The following GPCPD1 variants were observed in gnomAD, a reference collection of about 807,000 sequenced individuals.
GPCPD1 encodes the protein glycerophosphocholine phosphodiesterase GPCPD1.
A neutral mutation model predicts 89.2 loss-of-function variants in GPCPD1; 29 were observed. The ratio of observed to expected loss-of-function variants is 0.33; its 90% CI spans 0.24 to 0.44. GPCPD1 has a LOEUF of 0.44. Ranked by LOEUF, GPCPD1 falls within the 20% of genes least tolerant of loss-of-function variation. GPCPD1 has a pLI of 1.00. For missense variants in GPCPD1, 594 were observed against 808.9 expected, an observed-to-expected ratio of 0.73 and a Z score of 3.22; for synonymous variants, 258 against 266.3, an observed-to-expected ratio of 0.97 and a Z score of 0.30.
chr20:5,566,644 C>T lies in GPCPD1; in HGVS notation c.1267+89G>A, dbSNP rs1986406874. 8 of 778,228 alleles carry T rather than the reference C, an allele frequency of 1.0e-5. No homozygotes were observed. In the South Asian group the frequency reaches 1.2e-4, roughly 11 times the overall value. 48.2% of individuals were successfully genotyped at this position (778,228 alleles called of 1,614,324 possible). ...CCAGTATTATACTCATAAAAATGAC[C>T]AAGTATCAAGTATGTGCTAAAATCG... On this transcript the variant is annotated intron_variant, in intron 14 of 19. Transcript: ENST00000379019.
chr20:5,575,374 C>T (rs1367672472), intron 10 of GPCPD1, 39 bp downstream of exon 10: 4 of 1,487,746 alleles, frequency 2.7e-6, no homozygotes, highest in East Asian at 2.3e-5. Flanking sequence ...CGAACATAAG[C>T]TACACCAAAT....
intron 2 of GPCPD1, among the ~76,000 whole-genome samples, chr20:5,603,852 T>C (rs1207899031): frequency 6.6e-6 from 1 of 151,398 alleles, no homozygotes. Context: ...GTTCAAGCAA[T>C]TCTCCTGCCT....
intron 4 of GPCPD1, among the ~76,000 whole-genome samples, chr20:5,587,131 A>C (rs1978981242): frequency 6.6e-6 from 1 of 152,226 alleles, no homozygotes; most frequent in Non-Finnish European, 1.5e-5. Context: ...ATTTTCCTTT[A>C]ATTTTTAAAA....
At chr20:5,564,833 G>A (rs1413935610) in intron 15 of GPCPD1, among the ~76,000 whole-genome samples, 184 bp downstream of exon 15, 1 of 151,632 alleles carries the variant, frequency 6.6e-6, no homozygotes, top group African/African-American at 2.4e-5. Flanking sequence ...AAGTGGGATT[G>A]TCACTCACAC....
At chr20:5,588,427 C>G (rs530641505) in intron 4 of GPCPD1, among the ~76,000 whole-genome samples, 1 of 151,954 alleles carries the variant, frequency 6.6e-6, no homozygotes, top group Non-Finnish European at 1.5e-5. Context: ...ATTGCTTGAC[C>G]GTGGGAGGCA....
chr20:5,595,806 A>AGGGGG (rs34342997), intron 3 of GPCPD1, among the ~76,000 whole-genome samples: 1 of 150,246 alleles, frequency 6.7e-6, no homozygotes, highest in African/African-American at 2.5e-5. Flanking sequence ...AAAGAAAAAA[A>AGGGGG]GGGGGGGGGA....
At chr20:5,591,600 G>A (rs1287472140) in intron 4 of GPCPD1, among the ~76,000 whole-genome samples, 1 of 152,158 alleles carries the variant, frequency 6.6e-6, no homozygotes, top group Admixed American at 6.5e-5. Context: ...GTAACATTAT[G>A]TATTCCAATA....
At chr20:5,570,123 T>C in intron 12 of GPCPD1, 24 bp downstream of exon 12, 1 of 1,088,352 alleles carries the variant, frequency 9.2e-7, no homozygotes, top group Non-Finnish European at 1.4e-6. Flanking sequence ...ATTAAGAGTT[T>C]GAAATGAAGA....
rs1302531764 is a variant in GPCPD1 at position 5,576,062 on chromosome 20, GACAC to G, written c.706-88_706-85del. 21 of 502,066 alleles carry G rather than the reference GACAC, an allele frequency of 4.2e-5. No homozygotes were observed. In the East Asian group the frequency reaches 4.4e-4, roughly 11 times the overall value. 31.1% of individuals were successfully genotyped at this position (502,066 alleles called of 1,614,324 possible). Reference sequence around the variant, plus strand: ...ATATACACACACACACACACACACAGACACACACACACATATCTCCTATATATGA... The same window carrying G: ...ATATACACACACACACACACACACAGACACACACATATCTCCTATATATGA... On this transcript the variant is annotated intron_variant, in intron 8 of 19. Coordinates refer to ENST00000379019, the MANE Select transcript of GPCPD1 (RefSeq NM_019593.5).
intron 18 of GPCPD1, 146 bp from the exon 19 acceptor site, chr20:5,558,251 C>A (rs761163499): frequency 2.0e-6 from 1 of 506,084 alleles, no homozygotes; most frequent in Admixed American, 3.7e-5. Context: ...TTAACTTATT[C>A]TTTTTAATGG....
At chr20:5,583,165 G>A (rs769646899) in intron 6 of GPCPD1, among the ~76,000 whole-genome samples, 18 of 149,928 alleles carry the variant, frequency 1.2e-4, no homozygotes, top group African/African-American at 1.7e-4. Context: ...CAGAGAGTGC[G>A]GTGAGCCAAG....
intron 3 of GPCPD1, among the ~76,000 whole-genome samples, chr20:5,598,502 A>T (rs569348037): frequency 5.3e-5 from 8 of 152,286 alleles, no homozygotes; most frequent in Non-Finnish European, 1.0e-4. Flanking sequence ...TCTAAAAAAA[A>T]AAAAAGAAAT....
Position 5,580,733 on chromosome 20 carries a change from A to G in GPCPD1, c.350-602T>C, listed in dbSNP as rs532407482. Among the ~76,000 whole-genome samples the G allele has an allele frequency of 2.0e-5, 3 of 151,818 alleles. No homozygotes were observed. In the South Asian group the frequency reaches 6.2e-4, roughly 31 times the overall value. On this transcript the variant is annotated intron_variant, in intron 6 of 19. Coordinates refer to ENST00000379019, the MANE Select transcript of GPCPD1 (RefSeq NM_019593.5). ...AGAGCGAGACTCCATCTCACAAAAA[A>G]AAAAAAAAAGAAAAAGAAAATAATC...
At chr20:5,572,227 AATG>A (rs1306981899) in intron 11 of GPCPD1, among the ~76,000 whole-genome samples, 1 of 152,180 alleles carries the variant, frequency 6.6e-6, no homozygotes, top group East Asian at 1.9e-4. Context: ...TAGCTAATGA[AATG>A]ATGTTTAGAC....
intron 6 of GPCPD1, among the ~76,000 whole-genome samples, chr20:5,582,893 GAA>G (rs113637716): frequency 4.9e-5 from 5 of 101,598 alleles, no homozygotes; most frequent in Non-Finnish European, 4.2e-5. Context: ...CATCTCAAAA[GAA>G]AAAAAAAAAA....
At position 5,579,679 on chromosome 20, in the gene GPCPD1, G is replaced by A. The variant is rs767366579; in HGVS notation, c.473+329C>T. ...CAAAGTGCTGGGATTACAGGCGTGAGCCAACACGCCCGACACATTATATCA... is the reference window on the plus strand; with the variant it reads ...CAAAGTGCTGGGATTACAGGCGTGAACCAACACGCCCGACACATTATATCA... On this transcript the variant is annotated intron_variant, in intron 7 of 19. Transcript: ENST00000379019. Among the ~76,000 whole-genome samples, 76 of 152,348 alleles carry A rather than the reference G, an allele frequency of 5.0e-4. 1 individual carries two copies. Among genetic ancestry groups the A allele is most frequent in the Middle Eastern group, 3.4e-3 (1 of 294 alleles).
rs372909459 is a variant in GPCPD1, at chr20:5,547,701, T to C, written c.1979A>G (p.His660Arg). ...GTTATCAATGCCGTTGGCATCCACA[T>C]GGATATCAGACTCCCCACACAAAGA... ...PSSLCGESDIHVDANGIDNVE... is the reference protein window; with the variant it reads ...PSSLCGESDIRVDANGIDNVE... The change falls in exon 20 of 20, where the codon CAT becomes CGT. Residue 660 changes from histidine (H) to arginine (R), a missense_variant. By Grantham distance (29) the His-to-Arg change is conservative. Coordinates refer to ENST00000379019, the MANE Select transcript of GPCPD1 (RefSeq NM_019593.5). 1 of 1,610,320 alleles carries C rather than the reference T, an allele frequency of 6.2e-7. No homozygotes were observed. The highest frequency in any genetic ancestry group is 8.5e-7 in the Non-Finnish European group (1 of 1,177,208).
At chr20:5,571,827 T>G (rs994816829) in intron 11 of GPCPD1, among the ~76,000 whole-genome samples, 7 of 151,960 alleles carry the variant, frequency 4.6e-5, no homozygotes, top group Non-Finnish European at 7.4e-5. Flanking sequence ...GAGAATCGCT[T>G]GAACCTAGGA....
At chr20:5,581,005 C>G (rs1308139241) in intron 6 of GPCPD1, among the ~76,000 whole-genome samples, 2 of 151,910 alleles carry the variant, frequency 1.3e-5, no homozygotes, top group Admixed American at 1.3e-4. Flanking sequence ...TCCCAAGTAG[C>G]TGGGATTATA....
Sources: gnomAD v4.1 joint callset for allele counts (sites outside exome capture counted in the v4.1 genomes callset) on GRCh38, gnomAD v4.1.1 for gene constraint, MANE v1.5 for transcripts, NCBI Gene and HGNC (gene_info 2026-07-23, HGNC 2026-07-21) for gene names.